The following CCSER1 variants were observed in gnomAD, a reference collection of about 807,000 sequenced individuals.
CCSER1 encodes serine-rich coiled-coil domain-containing protein 1.
CCSER1 carries 41 observed loss-of-function variants against 82.0 expected under a neutral mutation model. The observed-to-expected ratio is 0.50, with a 90% CI of 0.39 to 0.65. The LOEUF (loss-of-function observed/expected upper bound fraction) is 0.65. CCSER1 is among the 30% of genes least tolerant of loss of function. The pLI, the probability that CCSER1 is intolerant of heterozygous loss-of-function variation, is 0.00. For synonymous variants in CCSER1, 414 were observed against 383.9 expected (o/e 1.08, Z -0.92); for missense variants, 1,119 against 1,064.2 (o/e 1.05, Z -0.72).
At chr4:90,254,412 G>A (rs1026097874) in intron 1 of CCSER1, among the ~76,000 whole-genome samples, 9 of 152,126 alleles carry the variant, frequency 5.9e-5, no homozygotes, top group Non-Finnish European at 8.8e-5. Flanking sequence ...ATATTATCTT[G>A]ATGTTGAACC....
chr4:90,392,715 C>A (rs1751391770), intron 3 of CCSER1, among the ~76,000 whole-genome samples: 1 of 152,122 alleles, frequency 6.6e-6, no homozygotes, highest in Non-Finnish European at 1.5e-5. Context: ...AATTAAGACA[C>A]ATTTTTGAAA....
chr4:91,189,893 A>G (rs1000285480), intron 10 of CCSER1, among the ~76,000 whole-genome samples: 1 of 152,164 alleles, frequency 6.6e-6, no homozygotes, highest in African/African-American at 2.4e-5. Flanking sequence ...AATTATTTTG[A>G]TTATTAAAAC....
chr4:90,315,564 G>T (rs868028908), intron 3 of CCSER1, among the ~76,000 whole-genome samples: 1 of 151,998 alleles, frequency 6.6e-6, no homozygotes. Context: ...GAGTGCAGTG[G>T]TGCAGTCTCG....
intron 10 of CCSER1, among the ~76,000 whole-genome samples, chr4:91,430,640 A>T (rs1248478821): frequency 6.6e-6 from 1 of 152,266 alleles, no homozygotes; most frequent in Admixed American, 6.5e-5. Flanking sequence ...AAAAGAAAAC[A>T]TTATGAAATG....
chr4:91,486,512 A>C (rs2110059426), intron 10 of CCSER1, among the ~76,000 whole-genome samples: 1 of 152,284 alleles, frequency 6.6e-6, no homozygotes, highest in South Asian at 2.1e-4. Context: ...ACACAAAAGT[A>C]AAATAATTTT....
At chr4:91,523,278 G>C (rs1413253102) in intron 10 of CCSER1, among the ~76,000 whole-genome samples, 1 of 152,178 alleles carries the variant, frequency 6.6e-6, no homozygotes, top group Non-Finnish European at 1.5e-5. Flanking sequence ...TGGTTTGCCA[G>C]TATTTTATTG....
At chr4:90,852,435 G>A (rs2149938036) in intron 8 of CCSER1, among the ~76,000 whole-genome samples, 1 of 152,304 alleles carries the variant, frequency 6.6e-6, no homozygotes, top group South Asian at 2.1e-4. Flanking sequence ...GAAGCTTCTG[G>A]CCACTGAGTG....
At chr4:90,459,857 A>G (rs1388948402) in intron 4 of CCSER1, among the ~76,000 whole-genome samples, 2 of 152,202 alleles carry the variant, frequency 1.3e-5, no homozygotes, top group Non-Finnish European at 2.9e-5. Flanking sequence ...ATTTGAAGTG[A>G]AGGACACTTT....
At chr4:91,310,715 G>C (rs1427707142) in intron 10 of CCSER1, among the ~76,000 whole-genome samples, 1 of 151,884 alleles carries the variant, frequency 6.6e-6, no homozygotes, top group African/African-American at 2.4e-5. Context: ...TCCATCAGAA[G>C]GCTGACAGGA....
intron 10 of CCSER1, among the ~76,000 whole-genome samples, chr4:91,288,107 GAT>G (rs374919599): frequency 0.083 from 5,203 of 62,426 alleles, 308 homozygotes; most frequent in African/African-American, 0.22. Flanking sequence ...ATATATATAG[GAT>G]ATATATATAT....
intron 10 of CCSER1, among the ~76,000 whole-genome samples, chr4:91,129,622 A>C (rs1389001784): frequency 6.6e-6 from 1 of 152,068 alleles, no homozygotes; most frequent in African/African-American, 2.4e-5. Flanking sequence ...GAGACGAGTT[A>C]AAGAATTTGA....
chr4:90,375,055 T>G lies in CCSER1; in HGVS notation c.1510-24981T>G, dbSNP rs371868158. ...ATAAACCTAGAAAGAAGATTGGCCA[T>G]GAAGTGCAGCTGTCAACAGAAAAGG... On this transcript the variant is annotated intron_variant, in intron 3 of 10. Transcript: ENST00000509176. Among the ~76,000 whole-genome samples, 51 of 152,302 alleles carry G rather than the reference T, an allele frequency of 3.3e-4. 1 individual carries two copies. Among genetic ancestry groups the G allele is most frequent in the African/African-American group, 1.2e-3 (51 of 41,564 alleles).
At position 90,162,747 on chromosome 4, in the gene CCSER1, C is replaced by T. The variant is rs192182105; in HGVS notation, c.-42+34916C>T. Among the ~76,000 whole-genome samples the T allele has an allele frequency of 1.6e-3, 240 of 151,710 alleles. 2 individuals are homozygous for T. Among genetic ancestry groups the T allele is most frequent in the Admixed American group, 0.015 (221 of 15,200 alleles). ...TGGTTGGTACCTTTTGACCTGTGAC[C>T]AAAAAAAATTCATTTTTTTCTTCTA... On this transcript the variant is annotated intron_variant, in intron 1 of 10. Coordinates refer to ENST00000509176, the MANE Select transcript of CCSER1 (RefSeq NM_001145065.2).
chr4:91,287,831 G>C (rs1743403602), intron 10 of CCSER1, among the ~76,000 whole-genome samples: 1 of 151,684 alleles, frequency 6.6e-6, no homozygotes, highest in African/African-American at 2.4e-5. Context: ...AGAGGGAAAG[G>C]CACAAAGGAA....
intron 10 of CCSER1, among the ~76,000 whole-genome samples, chr4:91,536,501 T>C (rs1307035223): frequency 1.3e-5 from 2 of 152,088 alleles, no homozygotes; most frequent in Admixed American, 6.6e-5. Flanking sequence ...TGAATTATAT[T>C]GACTGATAAA....
At chr4:90,384,312 C>A (rs1392556605) in intron 3 of CCSER1, among the ~76,000 whole-genome samples, 2 of 112,982 alleles carry the variant, frequency 1.8e-5, no homozygotes, top group Non-Finnish European at 3.3e-5. Flanking sequence ...TTTGTAGGGA[C>A]ATGGATGAAG....
At chr4:91,152,882 G>A (rs144700437) in intron 10 of CCSER1, among the ~76,000 whole-genome samples, 1,684 of 151,838 alleles carry the variant, frequency 0.011, 38 homozygotes, top group African/African-American at 0.038. Context: ...TTCTGCCGAG[G>A]GATCCGCTGT....
chr4:91,158,577 G>T (rs1461000028), intron 10 of CCSER1, among the ~76,000 whole-genome samples: 2 of 151,826 alleles, frequency 1.3e-5, no homozygotes, highest in Admixed American at 6.6e-5. Context: ...GATATTCAAT[G>T]GGAAAATTGG....
At chr4:91,553,749 A>G (rs766385550) in intron 10 of CCSER1, among the ~76,000 whole-genome samples, 4 of 151,034 alleles carry the variant, frequency 2.6e-5, no homozygotes, top group Non-Finnish European at 5.9e-5. Context: ...CTAATTCTGC[A>G]GTATCAGTTG....
Sources: allele counts gnomAD v4.1 joint callset (sites outside exome capture counted in the v4.1 genomes callset), GRCh38; gene constraint gnomAD v4.1.1; transcripts MANE v1.5; gene names NCBI Gene and HGNC (gene_info 2026-07-23, HGNC 2026-07-21).